The following ZBTB8A variants were observed in gnomAD, a reference collection of about 807,000 sequenced individuals.
The protein encoded by ZBTB8A is zinc finger and BTB domain containing 8A.
Under a neutral mutation model 37.8 loss-of-function variants are expected in ZBTB8A, and 19 were observed. That is an observed-to-expected ratio of 0.50 (90% CI 0.35 to 0.74). The LOEUF (loss-of-function observed/expected upper bound fraction) is 0.74. Ranked by LOEUF, ZBTB8A falls within the 30% of genes least tolerant of loss-of-function variation. The pLI, the probability that ZBTB8A is intolerant of heterozygous loss-of-function variation, is 0.01. For synonymous variants in ZBTB8A, 181 were observed against 185.2 expected (o/e 0.98, Z 0.19); for missense variants, 394 against 537.8 (o/e 0.73, Z 2.65).
chr1:32,589,919 A>G (rs1476773116), intron 2 of ZBTB8A, among the ~76,000 whole-genome samples: 2 of 151,882 alleles, frequency 1.3e-5, no homozygotes, highest in Admixed American at 1.3e-4. Flanking sequence ...TATCCACTTT[A>G]TGTACAGAGG....
chr1:32,542,881 G>A (rs1182945943), intron 1 of ZBTB8A, among the ~76,000 whole-genome samples: 1 of 152,036 alleles, frequency 6.6e-6, no homozygotes, highest in African/African-American at 2.4e-5. Context: ...CTGTTTCAAC[G>A]TATAAAGTCA....
chr1:32,590,248 A>G (rs1644478039), intron 2 of ZBTB8A, among the ~76,000 whole-genome samples: 1 of 151,968 alleles, frequency 6.6e-6, no homozygotes, highest in African/African-American at 2.4e-5. Context: ...TTAATTTTTC[A>G]GGTTGAGATT....
At chr1:32,574,957 A>G (rs1384477849) in intron 2 of ZBTB8A, among the ~76,000 whole-genome samples, 1 of 151,838 alleles carries the variant, frequency 6.6e-6, no homozygotes, top group Non-Finnish European at 1.5e-5. Context: ...TTTATTTTGT[A>G]GAGATGGGTG....
intron 2 of ZBTB8A, 21 bp from the exon 3 acceptor site, chr1:32,592,890 AATGTAGGTTTTGGTAACCAC>A: frequency 6.8e-7 from 1 of 1,476,588 alleles, no homozygotes. Flanking sequence ...AAATAATTGT[AATGTAGGTTTTGGTAACCAC>A]ATGTGTCTTT....
chr1:32,542,218 G>A (rs1053448064), intron 1 of ZBTB8A, among the ~76,000 whole-genome samples: 7 of 151,672 alleles, frequency 4.6e-5, no homozygotes, highest in African/African-American at 1.7e-4. Context: ...GACCCTGGTG[G>A]GACACATTAA....
chr1:32,573,738 CTTTTTTTTT>C (rs753573244), intron 2 of ZBTB8A, among the ~76,000 whole-genome samples: 90 of 95,018 alleles, frequency 9.5e-4, no homozygotes, highest in Non-Finnish European at 1.6e-3. Flanking sequence ...CCAGCTAAAA[CTTTTTTTTT>C]TTTTTTTTTT....
At chr1:32,596,081 C>T (rs551643502) in intron 4 of ZBTB8A, among the ~76,000 whole-genome samples, 2 of 152,002 alleles carry the variant, frequency 1.3e-5, no homozygotes, top group East Asian at 2.0e-4. Flanking sequence ...TCAAGACCAG[C>T]CTGGTTGGCT....
At chr1:32,569,820 G>A (rs900196731) in intron 2 of ZBTB8A, among the ~76,000 whole-genome samples, 2 of 139,136 alleles carry the variant, frequency 1.4e-5, no homozygotes, top group African/African-American at 2.7e-5. Flanking sequence ...ATAGGGTTTT[G>A]CTATGTTCCC....
intron 3 of ZBTB8A, 99 bp downstream of exon 3, chr1:32,593,853 T>C (rs886911229): frequency 1.1e-5 from 10 of 901,280 alleles, no homozygotes; most frequent in Non-Finnish European, 1.5e-5. Context: ...CTCTAAGCAG[T>C]TGAAGCAAGT....
chr1:32,559,490 G>C (rs935938365), intron 2 of ZBTB8A, among the ~76,000 whole-genome samples: 1 of 151,912 alleles, frequency 6.6e-6, no homozygotes, highest in African/African-American at 2.4e-5. Context: ...TTGAGACAGA[G>C]TCTTACTGTG....
intron 1 of ZBTB8A, among the ~76,000 whole-genome samples, chr1:32,541,906 C>G (rs143549986): frequency 1.3e-5 from 2 of 152,316 alleles, no homozygotes; most frequent in African/African-American, 4.8e-5. Flanking sequence ...CAAACCATAG[C>G]TCTTAAATGT....
intron 1 of ZBTB8A, 47 bp from the exon 2 acceptor site, chr1:32,553,412 T>A (rs539590469): frequency 6.6e-6 from 1 of 152,170 alleles, no homozygotes; most frequent in Admixed American, 6.6e-5. Context: ...TCTTTCTGCC[T>A]CTTATGACAA....
chr1:32,553,750 G>A (rs1644176204), intron 2 of ZBTB8A, among the ~76,000 whole-genome samples: 1 of 151,978 alleles, frequency 6.6e-6, no homozygotes, highest in Non-Finnish European at 1.5e-5. Flanking sequence ...GCCAGGCATG[G>A]TGGCACATGC....
chr1:32,585,277 G>T lies in ZBTB8A; in HGVS notation c.-1-7654G>T, dbSNP rs548992570. Reference sequence around the variant, plus strand: ...GATTCTCCCAACTTGGCCTCCCAAAGTGCTGGGATTATAGGTGTGAGCTAT... The same window carrying T: ...GATTCTCCCAACTTGGCCTCCCAAATTGCTGGGATTATAGGTGTGAGCTAT... On this transcript the variant is annotated intron_variant, in intron 2 of 4. Transcript: ENST00000373510. 3.4e-4 allele frequency among the ~76,000 whole-genome samples: 52 copies of T among 152,070 alleles called. No individual in the cohort carries two copies. The South Asian group carries it at 0.011, about 31-fold the overall frequency.
At chr1:32,560,836 G>C (rs1276598802) in intron 2 of ZBTB8A, among the ~76,000 whole-genome samples, 1 of 151,816 alleles carries the variant, frequency 6.6e-6, no homozygotes, top group Admixed American at 6.6e-5. Flanking sequence ...ATGTTGTCCA[G>C]GCTGGTCTCA....
At chr1:32,591,101 G>T (rs533833598) in intron 2 of ZBTB8A, among the ~76,000 whole-genome samples, 4 of 150,082 alleles carry the variant, frequency 2.7e-5, no homozygotes, top group African/African-American at 9.9e-5. Context: ...TAGAAACAGG[G>T]TTTCGCCATG....
At chr1:32,566,239 C>T (rs918486797) in intron 2 of ZBTB8A, among the ~76,000 whole-genome samples, 2 of 147,090 alleles carry the variant, frequency 1.4e-5, no homozygotes, top group Non-Finnish European at 3.0e-5. Context: ...TACAGCTGGG[C>T]GCAGTGGCTC....
chr1:32,560,166 CA>C (rs934074185), intron 2 of ZBTB8A, among the ~76,000 whole-genome samples: 3 of 152,090 alleles, frequency 2.0e-5, no homozygotes, highest in African/African-American at 4.8e-5. Context: ...TATACAGTAT[CA>C]AGGGGGGATG....
intron 4 of ZBTB8A, among the ~76,000 whole-genome samples, chr1:32,597,275 G>A (rs1472364387): frequency 3.9e-5 from 6 of 152,266 alleles, no homozygotes; most frequent in Admixed American, 1.3e-4. Flanking sequence ...GATTACAGGC[G>A]TGAGCCACCA....
Sources: allele counts gnomAD v4.1 joint callset (sites outside exome capture counted in the v4.1 genomes callset), GRCh38; gene constraint gnomAD v4.1.1; transcripts MANE v1.5; gene names NCBI Gene and HGNC (gene_info 2026-07-23, HGNC 2026-07-21).